ZHX2: variants seen among roughly 807,000 people sequenced by gnomAD.
ZHX2 encodes the protein zinc fingers and homeoboxes protein 2.
Under a neutral mutation model 21.9 loss-of-function variants are expected in ZHX2, and 6 were observed. That is an observed-to-expected ratio of 0.27 (90% confidence interval 0.15 to 0.54). The LOEUF is 0.54. Among genes scored for constraint, ZHX2 ranks in the 20% least tolerant of loss-of-function variants. The pLI is 0.95. For synonymous variants in ZHX2, 434 were observed against 437.1 expected (o/e 0.99, Z 0.09); for missense variants, 908 against 1,090.7 (o/e 0.83, Z 2.36).
intron 3 of ZHX2, among the ~76,000 whole-genome samples, chr8:122,970,751 C>T (rs1051545496): frequency 6.6e-6 from 1 of 152,222 alleles, no homozygotes; most frequent in African/African-American, 2.4e-5. Context: ...TGGGGAAAAC[C>T]CTGTTTCTTG....
intron 1 of ZHX2, among the ~76,000 whole-genome samples, chr8:122,784,185 T>A (rs1817350090): frequency 6.6e-6 from 1 of 152,002 alleles, no homozygotes; most frequent in South Asian, 2.1e-4. Flanking sequence ...CTCATCCACA[T>A]CAGGACCATG....
Position 122,841,410 on chromosome 8 carries a change from A to ACTTC in ZHX2, c.-282-22064_-282-22061dup, listed in dbSNP as rs1383711427. Among the ~76,000 whole-genome samples, 7 of 152,160 alleles carry ACTTC rather than the reference A, an allele frequency of 4.6e-5. No individual in the cohort carries two copies. The South Asian group carries it at 1.0e-3, about 23-fold the overall frequency. On this transcript the variant is annotated intron_variant, in intron 1 of 3. Coordinates refer to ENST00000314393, the MANE Select transcript of ZHX2 (RefSeq NM_014943.5). ...AGGCCTAGAGATCTCCCTATCCACC[A>ACTTC]CTTCCTGAGCACACCTTGCAGGTGC...
At chr8:122,889,831 T>A (rs75914133) in intron 2 of ZHX2, among the ~76,000 whole-genome samples, 2 of 152,172 alleles carry the variant, frequency 1.3e-5, no homozygotes, top group Non-Finnish European at 2.9e-5. Flanking sequence ...TTGGTATAGA[T>A]GATGGAGGTT....
intron 1 of ZHX2, among the ~76,000 whole-genome samples, chr8:122,830,934 CAG>C (rs982317835): frequency 2.0e-5 from 3 of 152,132 alleles, no homozygotes; most frequent in Non-Finnish European, 4.4e-5. Context: ...GCTTTAAGGA[CAG>C]GGTTAATTTT....
chr8:122,808,113 G>A (rs1304331854), intron 1 of ZHX2, among the ~76,000 whole-genome samples: 3 of 152,102 alleles, frequency 2.0e-5, no homozygotes, highest in South Asian at 2.1e-4. Flanking sequence ...ATAAGATGGG[G>A]CTAATAATTA....
In ZHX2 at chr8:122,953,370, C is replaced by T. The variant is rs1166679636; in HGVS notation, c.1860C>T (p.Ala620=). ...CTCGACTCGACCAGCTCTCCGGTGC[C>T]CAGTTAACAAGTTCTCTGCCCAGCC... ...ALSRLDQLSG[A]QLTSSLPSPS... is the part of the protein sequence containing the mutation. Residue 620 remains alanine, a synonymous_variant, in exon 3 of 4, where the codon GCC becomes GCT. Coordinates refer to ENST00000314393, the MANE Select transcript of ZHX2 (RefSeq NM_014943.5). This position sits in a 1 kb window ranked among gnomAD's most constrained non-coding sequence, Gnocchi z 4.6. The T allele has an allele frequency of 6.2e-7, 1 of 1,614,076 alleles. No homozygotes were observed. The highest frequency in any genetic ancestry group is 1.7e-5 in the Admixed American group (1 of 60,014).
At chr8:122,922,158 C>T (rs1430149707) in intron 2 of ZHX2, among the ~76,000 whole-genome samples, 1 of 152,026 alleles carries the variant, frequency 6.6e-6, no homozygotes, top group Non-Finnish European at 1.5e-5. Context: ...TTCCCCACCC[C>T]CACCAACACC....
intron 2 of ZHX2, among the ~76,000 whole-genome samples, chr8:122,912,330 G>A (rs1411480929): frequency 1.3e-5 from 2 of 152,194 alleles, no homozygotes; most frequent in Non-Finnish European, 2.9e-5. Flanking sequence ...CCACAGGCTG[G>A]CCTGGGCACT....
chr8:122,838,864 C>T (rs1818563484), intron 1 of ZHX2, among the ~76,000 whole-genome samples: 1 of 152,084 alleles, frequency 6.6e-6, no homozygotes. Context: ...CGTGAGCCAC[C>T]ATGCCTGGCC....
intron 1 of ZHX2, among the ~76,000 whole-genome samples, chr8:122,861,394 C>T (rs1222291068): frequency 1.3e-5 from 2 of 152,126 alleles, no homozygotes; most frequent in Non-Finnish European, 2.9e-5. Flanking sequence ...TGCAGTAGAA[C>T]GAATGATGTC....
At chr8:122,802,597 G>C (rs1817740803) in intron 1 of ZHX2, among the ~76,000 whole-genome samples, 1 of 152,198 alleles carries the variant, frequency 6.6e-6, no homozygotes, top group Non-Finnish European at 1.5e-5. Flanking sequence ...GCATGGTGTT[G>C]AGCAAGCAGG....
rs1195457867 is a variant in ZHX2, at chr8:122,823,628, A to G, written c.-282-39849A>G. ...CGACTGTCTCCATGCCCACTTTCTC[A>G]AAGCAGGTTCTCAGAAGCAGTCCTG... On this transcript the variant is annotated intron_variant, in intron 1 of 3. Coordinates refer to ENST00000314393, the MANE Select transcript of ZHX2 (RefSeq NM_014943.5). Among the ~76,000 whole-genome samples the G allele has an allele frequency of 2.0e-5, 3 of 152,176 alleles. No homozygotes were observed. The East Asian group carries it at 5.8e-4, about 29-fold the overall frequency.
intron 2 of ZHX2, among the ~76,000 whole-genome samples, chr8:122,893,782 A>G (rs900575017): frequency 1.3e-5 from 2 of 152,008 alleles, no homozygotes; most frequent in Non-Finnish European, 2.9e-5. Context: ...TTTCTTTAAG[A>G]TCATTATTTT....
At chr8:122,866,703 G>A (rs1420386349) in intron 2 of ZHX2, among the ~76,000 whole-genome samples, 2 of 152,220 alleles carry the variant, frequency 1.3e-5, no homozygotes, top group African/African-American at 2.4e-5. Context: ...GCTGAGAAGT[G>A]TGTCGAGGCA....
At chr8:122,799,342 C>G (rs1490547494) in intron 1 of ZHX2, among the ~76,000 whole-genome samples, 1 of 152,288 alleles carries the variant, frequency 6.6e-6, no homozygotes, top group Admixed American at 6.5e-5. Context: ...AGATCAAATG[C>G]TAAGTAGCCA....
chr8:122,956,219 G>C (rs1489333107), intron 3 of ZHX2, among the ~76,000 whole-genome samples: 1 of 152,148 alleles, frequency 6.6e-6, no homozygotes, highest in Non-Finnish European at 1.5e-5. Context: ...CCACCCCAGA[G>C]AGGACAATAG....
At chr8:122,948,454 C>T (rs562791626) in intron 2 of ZHX2, among the ~76,000 whole-genome samples, 3 of 152,096 alleles carry the variant, frequency 2.0e-5, no homozygotes, top group Non-Finnish European at 4.4e-5. Context: ...CAGTTCCAAT[C>T]AAAATTCTAA....
chr8:122,907,363 G>A (rs748109896), intron 2 of ZHX2, among the ~76,000 whole-genome samples: 2 of 152,156 alleles, frequency 1.3e-5, no homozygotes, highest in Admixed American at 6.5e-5. Context: ...GACTCCAAGC[G>A]GGAGGGAGCA....
intron 2 of ZHX2, among the ~76,000 whole-genome samples, chr8:122,946,788 C>T (rs529517136): frequency 6.6e-6 from 1 of 152,188 alleles, no homozygotes; most frequent in South Asian, 2.1e-4. Context: ...ATAGTACTCC[C>T]CACAGAATTG....
Sources: allele counts gnomAD v4.1 joint callset (sites outside exome capture counted in the v4.1 genomes callset), GRCh38; gene constraint gnomAD v4.1.1; non-coding constraint Gnocchi (gnomAD v3.1); transcripts MANE v1.5; gene names NCBI Gene and HGNC (gene_info 2026-07-23, HGNC 2026-07-21).